CDKL2: variants seen among roughly 807,000 people sequenced by gnomAD.
CDKL2 encodes cyclin dependent kinase like 2.
CDKL2 carries 64 observed loss-of-function variants against 63.9 expected under a neutral mutation model. The observed-to-expected ratio is 1.00, with a 90% CI of 0.82 to 1.23. The LOEUF is 1.23. Ranked by LOEUF, CDKL2 falls within the 50% of genes most tolerant of loss-of-function variation. CDKL2 has a pLI of 0.00. For synonymous variants in CDKL2, 211 were observed against 229.2 expected (o/e 0.92, Z 0.72); for missense variants, 656 against 668.0 (o/e 0.98, Z 0.20).
At chr4:75,587,347 G>C (rs529598961) in intron 12 of CDKL2, among the ~76,000 whole-genome samples, 1 of 152,088 alleles carries the variant, frequency 6.6e-6, no homozygotes, top group South Asian at 2.1e-4. Flanking sequence ...CCAGTAACTC[G>C]GGAGGCTGAG....
intron 2 of CDKL2, among the ~76,000 whole-genome samples, chr4:75,622,170 TA>T (rs1560594437): frequency 2.6e-5 from 4 of 152,202 alleles, no homozygotes; most frequent in Non-Finnish European, 1.5e-5. Flanking sequence ...AAAACCTAGA[TA>T]TATGGAAGGC....
At chr4:75,580,791 C>T (rs1230550961) in intron 13 of CDKL2, among the ~76,000 whole-genome samples, 4 of 149,132 alleles carry the variant, frequency 2.7e-5, no homozygotes, top group Non-Finnish European at 4.5e-5. Context: ...AGCTCCGCCT[C>T]CCGGGTTCAC....
intron 2 of CDKL2, among the ~76,000 whole-genome samples, chr4:75,622,470 C>A (rs532725463): frequency 2.6e-5 from 4 of 151,952 alleles, no homozygotes; most frequent in African/African-American, 9.6e-5. Flanking sequence ...CCTGTAATCC[C>A]AACACTTTGG....
chr4:75,595,033 T>C (rs1728856065), intron 10 of CDKL2, among the ~76,000 whole-genome samples: 1 of 152,176 alleles, frequency 6.6e-6, no homozygotes. Context: ...AGAATAATAA[T>C]GGTCCTTCCT....
At chr4:75,579,380 T>C (rs541988349) in intron 13 of CDKL2, among the ~76,000 whole-genome samples, 1 of 152,242 alleles carries the variant, frequency 6.6e-6, no homozygotes, top group Non-Finnish European at 1.5e-5. Context: ...CAATCAAAAC[T>C]ATCTTGCGTA....
rs1285196316 is a variant in CDKL2 at position 75,576,781 on chromosome 4, GAACC to G, written c.*2417_*2420del. On this transcript the variant is annotated 3_prime_UTR_variant, in exon 14 of 14. Coordinates refer to ENST00000307465, the MANE Select transcript of CDKL2 (RefSeq NM_001330724.2). The stretch of plus-strand genomic sequence containing the variant: ...ATATTGTAGCACAACTAAGATAAAG[GAACC>G]AATAATGAGAGTCACATAAGAAAAC... 2.0e-5 allele frequency among the ~76,000 whole-genome samples: 3 copies of G among 152,136 alleles called. No individual in the cohort carries two copies. Among genetic ancestry groups the G allele is most frequent in the Non-Finnish European group, 4.4e-5 (3 of 68,016 alleles).
rs1429398287 is a variant in CDKL2, at chr4:75,577,448, CAA to C, written c.*1752_*1753del. Among the ~76,000 whole-genome samples the C allele has an allele frequency of 1.3e-5, 2 of 152,090 alleles. No homozygotes were observed. The highest frequency in any genetic ancestry group is 2.9e-5 in the Non-Finnish European group (2 of 68,004). The stretch of plus-strand genomic sequence containing the variant: ...TTTAGTTCCTTAATTCTAAAGTTCA[CAA>C]AGTGTTTTAATAGGCAAAAGATATC... On this transcript the variant is annotated 3_prime_UTR_variant, in exon 14 of 14. Coordinates refer to ENST00000307465, the MANE Select transcript of CDKL2 (RefSeq NM_001330724.2).
intron 12 of CDKL2, among the ~76,000 whole-genome samples, chr4:75,589,620 C>T (rs1440323929): frequency 6.6e-6 from 1 of 152,002 alleles, no homozygotes; most frequent in Non-Finnish European, 1.5e-5. Context: ...TTCTTATAAA[C>T]ATATACTTAC....
intron 2 of CDKL2, among the ~76,000 whole-genome samples, chr4:75,622,937 T>C (rs1447132183): frequency 1.3e-5 from 2 of 151,952 alleles, no homozygotes; most frequent in Non-Finnish European, 1.5e-5. Flanking sequence ...GATGGTCTTA[T>C]AGAAGAAGGA....
Position 75,603,881 on chromosome 4 carries a change from T to C in CDKL2, c.731A>G (p.Lys244Arg), listed in dbSNP as rs1274441969. ...VFAGVRLPEIKEREPLERRYP... is the reference protein window; with the variant it reads ...VFAGVRLPEIREREPLERRYP... ...GCGTCTTTCAAGAGGTTCTCTTTCC[T>C]TGATTTCAGGCAACCTTACTCCAGC... Residue 244 changes from lysine to arginine, a missense_variant, in exon 6 of 14, where the codon AAG (lysine) becomes AGG (arginine). Lys to Arg is a conservative substitution (Grantham distance 26, BLOSUM62 2). Transcript: ENST00000307465. 1 of 1,613,684 alleles carries C rather than the reference T, an allele frequency of 6.2e-7. No individual in the cohort carries two copies. The highest frequency in any genetic ancestry group is 1.3e-5 in the African/African-American group (1 of 74,900).
At chr4:75,592,403 T>C in intron 10 of CDKL2, 134 bp from the exon 11 acceptor site, 1 of 613,192 alleles carries the variant, frequency 1.6e-6, no homozygotes, top group Non-Finnish European at 2.5e-6. Context: ...TTGAAGGACA[T>C]TAATAATACA....
chr4:75,615,472 A>C (rs572163344), intron 2 of CDKL2, among the ~76,000 whole-genome samples: 43 of 152,330 alleles, frequency 2.8e-4, no homozygotes, highest in African/African-American at 1.0e-3. Context: ...TACAGCTCTC[A>C]AAATCCTCAA....
At chr4:75,619,920 C>T (rs1462556339) in intron 2 of CDKL2, among the ~76,000 whole-genome samples, 1 of 152,128 alleles carries the variant, frequency 6.6e-6, no homozygotes, top group Non-Finnish European at 1.5e-5. Flanking sequence ...CGTGGTGGCT[C>T]CCGCCTATGA....
chr4:75,603,760 AGG>A, intron 6 of CDKL2, 55 bp downstream of exon 6: 2 of 960,156 alleles, frequency 2.1e-6, no homozygotes, highest in Non-Finnish European at 3.0e-6. Context: ...AAAAAAAAAA[AGG>A]TCTTGATAGT....
chr4:75,621,729 A>G (rs772546008), intron 2 of CDKL2, among the ~76,000 whole-genome samples: 3 of 152,158 alleles, frequency 2.0e-5, no homozygotes, highest in Non-Finnish European at 4.4e-5. Flanking sequence ...ACAAAGTAGA[A>G]TACATACTTT....
intron 8 of CDKL2, among the ~76,000 whole-genome samples, chr4:75,597,814 T>C (rs937473119): frequency 5.3e-5 from 8 of 152,212 alleles, no homozygotes; most frequent in Non-Finnish European, 1.2e-4. Flanking sequence ...GTATATGTGT[T>C]CATGAAAACA....
chr4:75,590,161 TGTCTC>T (rs1728654879), intron 12 of CDKL2, among the ~76,000 whole-genome samples: 1 of 152,088 alleles, frequency 6.6e-6, no homozygotes, highest in South Asian at 2.1e-4. Flanking sequence ...AGCAAAACCC[TGTCTC>T]AAAAAAAAGA....
In CDKL2 at chr4:75,619,323, C is replaced by T. The variant is rs550581182; in HGVS notation, c.169-4874G>A. Among the ~76,000 whole-genome samples, 6 of 152,086 alleles carry T rather than the reference C, an allele frequency of 3.9e-5. No individual in the cohort carries two copies. The South Asian group carries it at 1.0e-3, about 26-fold the overall frequency. ...GAAAATACATAGGGACAAGAAGGAA[C>T]TAAAAATGTAGAAGAGCCCCCAATA... On this transcript the variant is annotated intron_variant, in intron 2 of 13. Transcript: ENST00000307465.
At position 75,597,169 on chromosome 4, in the gene CDKL2, C is replaced by G. The variant is rs761463985; in HGVS notation, c.1088G>C (p.Gly363Ala). 6.2e-6 allele frequency: 10 copies of G among 1,613,278 alleles called. No individual in the cohort carries two copies. The highest frequency in any genetic ancestry group is 6.8e-6 in the Non-Finnish European group (8 of 1,179,390). ...LFKIKGSKID[G>A]EKAEKGNRAS... ...TCTATTGCCTTTTTCAGCTTTTTCT[C>G]CATCAATTTTTGAGCCTTTTATTTT... The change falls in exon 9 of 14, where the codon GGA (glycine) becomes GCA (alanine). Residue 363 changes from glycine (G) to alanine (A), a missense_variant. Transcript: ENST00000307465.
Sources: allele counts gnomAD v4.1 joint callset (sites outside exome capture counted in the v4.1 genomes callset), GRCh38; gene constraint gnomAD v4.1.1; transcripts MANE v1.5; gene names NCBI Gene and HGNC (gene_info 2026-07-23, HGNC 2026-07-21).